Variants in BCAS4 observed in about 807,000 individuals in gnomAD.
BCAS4 encodes breast carcinoma-amplified sequence 4.
A neutral mutation model predicts 15.7 loss-of-function variants in BCAS4; 9 were observed. That is an observed-to-expected ratio of 0.57 (90% CI 0.34 to 1.00). The LOEUF is 1.00. BCAS4 is among the 50% of genes least tolerant of loss of function. BCAS4 has a pLI of 0.02. For synonymous variants in BCAS4, 101 were observed against 99.5 expected (o/e 1.02, Z -0.09); for missense variants, 225 against 239.1 (o/e 0.94, Z 0.39).
chr20:50,810,987 A>G (rs778506022), intron 1 of BCAS4, among the ~76,000 whole-genome samples: 2 of 152,148 alleles, frequency 1.3e-5, no homozygotes, highest in Non-Finnish European at 2.9e-5. Flanking sequence ...GGTCAGGGAA[A>G]GCCTCACCTG....
At chr20:50,849,512 G>T (rs1368451323) in intron 4 of BCAS4, among the ~76,000 whole-genome samples, 1 of 152,222 alleles carries the variant, frequency 6.6e-6, no homozygotes, top group Non-Finnish European at 1.5e-5. Context: ...GACAGGCAGG[G>T]TGTGAGATGT....
At chr20:50,853,409 G>C (rs1003490078) in intron 4 of BCAS4, among the ~76,000 whole-genome samples, 10 of 151,902 alleles carry the variant, frequency 6.6e-5, no homozygotes, top group Non-Finnish European at 1.2e-4. Context: ...CCTCCCAAAA[G>C]GATTACAGGT....
downstream of BCAS4, chr20:50,880,299 C>A: frequency 6.6e-6 from 1 of 152,338 alleles, no homozygotes; most frequent in Non-Finnish European, 1.5e-5. Context: ...CTGCCATCAC[C>A]AACCCCTAAC....
rs1313414834 is a variant in BCAS4 at position 50,851,384 on chromosome 20, C to T, written c.399+9484C>T. Among the ~76,000 whole-genome samples the T allele has an allele frequency of 6.6e-6, 1 of 152,146 alleles. No individual in the cohort carries two copies. The highest frequency in any genetic ancestry group is 1.5e-5 in the Non-Finnish European group (1 of 68,026). On this transcript the variant is annotated intron_variant, in intron 4 of 4. Coordinates refer to ENST00000371608, the MANE Select transcript of BCAS4 (RefSeq NM_198799.4). This position sits in a 1 kb window ranked among gnomAD's most constrained non-coding sequence, Gnocchi z 4.3. ...CTCCCCACGGCTCCCAGGGACCTCC[C>T]GGGTTCGTTTCCTTCAAGGTCTTTG...
rs59629485 is a variant in BCAS4 at position 50,814,157 on chromosome 20, A to C, written c.91-4054A>C. ...CTTGGGCTTGTTTCTCCCTTTGCTGACCAGACAGTCAGCAAACTCTCGCTT... is the reference window on the plus strand; with the variant it reads ...CTTGGGCTTGTTTCTCCCTTTGCTGCCCAGACAGTCAGCAAACTCTCGCTT... On this transcript the variant is annotated intron_variant, in intron 1 of 4. Transcript: ENST00000371608. 3.9e-3 allele frequency among the ~76,000 whole-genome samples: 593 copies of C among 152,016 alleles called. 3 individuals carry two copies. Among genetic ancestry groups the C allele is most frequent in the African/African-American group, 0.014 (565 of 41,472 alleles).
intron 2 of BCAS4, among the ~76,000 whole-genome samples, chr20:50,826,441 G>A (rs2088278695): frequency 6.6e-6 from 1 of 152,174 alleles, no homozygotes; most frequent in African/African-American, 2.4e-5. Context: ...AGAAGCTGTA[G>A]ATCCAGACCT....
chr20:50,876,731 A>C lies in BCAS4; in HGVS notation c.*123A>C, dbSNP rs1409892565. Reference sequence around the variant, plus strand: ...TAAAAATATTTAAAAAAATGTCGAGATGGGGTCTCACTATGTTGTCCAGAC... The same window carrying C: ...TAAAAATATTTAAAAAAATGTCGAGCTGGGGTCTCACTATGTTGTCCAGAC... On this transcript the variant is annotated 3_prime_UTR_variant, in exon 5 of 5. Coordinates refer to ENST00000371608, the MANE Select transcript of BCAS4 (RefSeq NM_198799.4). The C allele has an allele frequency of 2.4e-6, 3 of 1,234,076 alleles. No individual in the cohort carries two copies. The highest frequency in any genetic ancestry group is 3.2e-6 in the Non-Finnish European group (3 of 943,004). 76.4% of individuals were successfully genotyped at this position (1,234,076 alleles called of 1,614,324 possible).
At chr20:50,853,139 ATTTTTTTTTTTTT>A (rs35651267) in intron 4 of BCAS4, among the ~76,000 whole-genome samples, 23 of 106,894 alleles carry the variant, frequency 2.2e-4, no homozygotes, top group Admixed American at 2.1e-3. Context: ...ATCCCCTTTC[ATTTTTTTTTTTTT>A]TTTTTTTTTT....
chr20:50,827,676 C>T (rs151241580), intron 2 of BCAS4, among the ~76,000 whole-genome samples: 95 of 152,278 alleles, frequency 6.2e-4, no homozygotes, highest in African/African-American at 2.2e-3. Flanking sequence ...ACAAGATGCT[C>T]CAGACTCAGC....
chr20:50,850,716 C>T (rs1441291480), intron 4 of BCAS4, among the ~76,000 whole-genome samples: 9 of 152,158 alleles, frequency 5.9e-5, no homozygotes, highest in African/African-American at 1.4e-4. Context: ...GGCCCCTGAG[C>T]GGCGTCCCTG....
chr20:50,835,934 C>T (rs75311836), intron 3 of BCAS4, among the ~76,000 whole-genome samples: 24 of 148,392 alleles, frequency 1.6e-4, no homozygotes, highest in Admixed American at 9.4e-4. Context: ...TTTTTTTTTT[C>T]GGAGACAGAG....
chr20:50,812,425 C>T (rs550349958), intron 1 of BCAS4, among the ~76,000 whole-genome samples: 15 of 145,506 alleles, frequency 1.0e-4, no homozygotes, highest in Admixed American at 9.1e-4. Flanking sequence ...TGAGCTACTG[C>T]GTCTGGCCTT....
intron 1 of BCAS4, among the ~76,000 whole-genome samples, chr20:50,814,887 T>C (rs771055922): frequency 1.6e-4 from 24 of 152,152 alleles, no homozygotes; most frequent in Non-Finnish European, 2.5e-4. Flanking sequence ...GCAGGAGGAT[T>C]GCATGAGGCC....
At chr20:50,798,060 C>G (rs1355246762) in intron 1 of BCAS4, among the ~76,000 whole-genome samples, 1 of 151,914 alleles carries the variant, frequency 6.6e-6, no homozygotes, top group East Asian at 2.0e-4. Flanking sequence ...TTTTGGGAGG[C>G]CAGGGCAGGC....
intron 4 of BCAS4, 27 bp downstream of exon 4, chr20:50,841,927 G>A (rs1600878426): frequency 6.5e-7 from 1 of 1,536,370 alleles, no homozygotes; most frequent in East Asian, 2.3e-5. Context: ...GAGAAGTGAG[G>A]GGAGGGCCTC....
In BCAS4 at chr20:50,875,682, T is replaced by A. The variant is rs1057327082; in HGVS notation, c.400-804T>A. Among the ~76,000 whole-genome samples, 5 of 151,296 alleles carry A rather than the reference T, an allele frequency of 3.3e-5. 1 individual carries two copies. The highest frequency in any genetic ancestry group is 6.9e-3 in the Middle Eastern group (2 of 290). ...TATAATCCCGGTTAACTCAGGAGACTGAGGCAGGAGAATTGCTTGAACCCA... is the reference window on the plus strand; with the variant it reads ...TATAATCCCGGTTAACTCAGGAGACAGAGGCAGGAGAATTGCTTGAACCCA... On this transcript the variant is annotated intron_variant, in intron 4 of 4. Coordinates refer to ENST00000371608, the MANE Select transcript of BCAS4 (RefSeq NM_198799.4).
chr20:50,804,037 A>T (rs2123750519), intron 1 of BCAS4, among the ~76,000 whole-genome samples: 1 of 151,900 alleles, frequency 6.6e-6, no homozygotes, highest in East Asian at 1.9e-4. Context: ...GGGCCTGGGG[A>T]TCTGGATTTC....
chr20:50,842,291 G>C (rs1400312696), intron 4 of BCAS4, among the ~76,000 whole-genome samples: 1 of 152,222 alleles, frequency 6.6e-6, no homozygotes, highest in Non-Finnish European at 1.5e-5. Flanking sequence ...ACAAGCCGGG[G>C]AAGGGGGACG....
intron 2 of BCAS4, among the ~76,000 whole-genome samples, chr20:50,821,488 CTA>C (rs1434306784): frequency 6.6e-6 from 1 of 152,178 alleles, no homozygotes; most frequent in Admixed American, 6.5e-5. Flanking sequence ...GGCTACATGA[CTA>C]CAGAGAGAGG....
Sources: gnomAD v4.1 joint callset for allele counts (sites outside exome capture counted in the v4.1 genomes callset) on GRCh38, gnomAD v4.1.1 for gene constraint, Gnocchi (gnomAD v3.1) non-coding constraint, MANE v1.5 for transcripts, NCBI Gene and HGNC (gene_info 2026-07-23, HGNC 2026-07-21) for gene names.